Variants in PLEKHA6 observed in about 807,000 individuals in gnomAD.
PLEKHA6 encodes pleckstrin homology domain containing A6, also known as pleckstrin homology domain-containing family A member 6.
Under a neutral mutation model 116.7 loss-of-function variants are expected in PLEKHA6, and 60 were observed. That is an observed-to-expected ratio of 0.51 (90% CI 0.42 to 0.64). The LOEUF is 0.64. Among genes scored for constraint, PLEKHA6 ranks in the 30% least tolerant of loss-of-function variants. The pLI, the probability that PLEKHA6 is intolerant of heterozygous loss-of-function variation, is 0.00. For synonymous variants in PLEKHA6, 489 were observed against 556.1 expected (o/e 0.88, Z 1.70); for missense variants, 1,338 against 1,422.7 (o/e 0.94, Z 0.96).
intron 1 of PLEKHA6, among the ~76,000 whole-genome samples, chr1:204,295,029 C>T (rs1670136461): frequency 6.6e-6 from 1 of 152,146 alleles, no homozygotes; most frequent in African/African-American, 2.4e-5. Context: ...GTACCCTCTC[C>T]CCTGTACTTA....
chr1:204,302,635 G>A (rs903890138), intron 1 of PLEKHA6, among the ~76,000 whole-genome samples: 1 of 152,164 alleles, frequency 6.6e-6, no homozygotes, highest in South Asian at 2.1e-4. Context: ...CCAGCACTTT[G>A]GGAGGCCGAG....
chr1:204,320,732 T>C (rs1364899271), intron 1 of PLEKHA6, among the ~76,000 whole-genome samples: 3 of 152,210 alleles, frequency 2.0e-5, no homozygotes, highest in Admixed American at 6.5e-5. Flanking sequence ...AGACCTCCTG[T>C]ACGCACAGCA....
chr1:204,297,763 G>A (rs1280182628), intron 1 of PLEKHA6: 6 of 371,208 alleles, frequency 1.6e-5, no homozygotes, highest in South Asian at 1.1e-4. Flanking sequence ...CAGAAACATC[G>A]GAACTGAAAT....
Position 204,250,526 on chromosome 1 carries a change from G to A in PLEKHA6, c.1593+20C>T. 6.3e-7 allele frequency: 1 copy of A among 1,587,550 alleles called. No individual in the cohort carries two copies. The highest frequency in any genetic ancestry group is 8.6e-7 in the Non-Finnish European group (1 of 1,156,738). The stretch of plus-strand genomic sequence containing the variant: ...CAGGAGGCTGGAGTGGAGGGAGGGA[G>A]CAGGGGGCGCTGCTCTTACATCTGT... On this transcript the variant is annotated intron_variant, in intron 10 of 22. Transcript: ENST00000272203.
At chr1:204,247,235 G>A in intron 13 of PLEKHA6, 130 bp downstream of exon 13, 1 of 599,478 alleles carries the variant, frequency 1.7e-6, no homozygotes, top group South Asian at 1.9e-5. Context: ...TGAACCTAAA[G>A]CGTCCCATTA....
At chr1:204,347,265 G>T (rs976222235) in intron 1 of PLEKHA6, 15 of 987,854 alleles carry the variant, frequency 1.5e-5, no homozygotes, top group South Asian at 1.4e-4. Flanking sequence ...TCATTTTGGC[G>T]AATTACTGGA....
At position 204,221,628 on chromosome 1, in the gene PLEKHA6, A is replaced by T. The variant is rs921983829; in HGVS notation, c.*1160T>A. ...TGGCCCACTGCACATTCCAGGGGGAACAGGGCAAGAAATATCATGGAACTG... is the reference window on the plus strand; with the variant it reads ...TGGCCCACTGCACATTCCAGGGGGATCAGGGCAAGAAATATCATGGAACTG... On this transcript the variant is annotated 3_prime_UTR_variant, in exon 23 of 23. Coordinates refer to ENST00000272203, the MANE Select transcript of PLEKHA6 (RefSeq NM_014935.5). 2 of 152,424 alleles carry T rather than the reference A, an allele frequency of 1.3e-5. No individual in the cohort carries two copies. Among genetic ancestry groups the T allele is most frequent in the African/African-American group, 4.8e-5 (2 of 41,434 alleles). The allele number at this position is 152,424 out of a possible 1,614,324, so 9.4% of individuals were successfully genotyped here.
intron 1 of PLEKHA6, among the ~76,000 whole-genome samples, chr1:204,349,780 C>A (rs1673215201): frequency 6.6e-6 from 1 of 152,140 alleles, no homozygotes; most frequent in South Asian, 2.1e-4. Flanking sequence ...AAGGTGAGAG[C>A]AGTGGGGGAG....
chr1:204,314,767 G>A (rs549595216), intron 1 of PLEKHA6, among the ~76,000 whole-genome samples: 6 of 152,302 alleles, frequency 3.9e-5, no homozygotes, highest in Admixed American at 2.0e-4. Context: ...CCACAATGGC[G>A]CAGGGGCGGT....
At chr1:204,253,602 A>T (rs956314791) in intron 9 of PLEKHA6, among the ~76,000 whole-genome samples, 1 of 152,124 alleles carries the variant, frequency 6.6e-6, no homozygotes. Context: ...AGGTGAGAGG[A>T]TCACTTGAGG....
chr1:204,373,145 G>A (rs1462418921), intron 1 of PLEKHA6, among the ~76,000 whole-genome samples: 1 of 142,388 alleles, frequency 7.0e-6, no homozygotes, highest in Non-Finnish European at 1.5e-5. Context: ...GCTGGAGTGT[G>A]CAGTGGCACG....
chr1:204,295,394 G>T (rs1424754104), intron 1 of PLEKHA6, among the ~76,000 whole-genome samples: 1 of 151,802 alleles, frequency 6.6e-6, no homozygotes, highest in Admixed American at 6.6e-5. Flanking sequence ...GGAGGCTGAG[G>T]CAAGAGGATC....
chr1:204,329,467 A>T (rs544946500), intron 1 of PLEKHA6, among the ~76,000 whole-genome samples: 1 of 152,190 alleles, frequency 6.6e-6, no homozygotes, highest in Non-Finnish European at 1.5e-5. Flanking sequence ...CTAATTAGAG[A>T]GTCATTAATA....
intron 1 of PLEKHA6, among the ~76,000 whole-genome samples, chr1:204,348,856 A>C (rs1030150884): frequency 1.3e-5 from 2 of 152,146 alleles, no homozygotes; most frequent in Non-Finnish European, 2.9e-5. Context: ...GACTGGTTTA[A>C]GGCTTTCCTG....
rs34493461 is a variant in PLEKHA6 at position 204,371,053 on chromosome 1, C to CAAAAAAAAAAA, written c.160+466_160+476dup. Among the ~76,000 whole-genome samples the CAAAAAAAAAAA allele has an allele frequency of 1.2e-3, 84 of 68,476 alleles. 1 individual carries two copies. Among genetic ancestry groups the CAAAAAAAAAAA allele is most frequent in the African/African-American group, 4.8e-3 (80 of 16,828 alleles). The allele number at this position is 68,476 out of a possible 152,430, so 44.9% of individuals were successfully genotyped here. On this transcript the variant is annotated intron_variant, in intron 2 of 4. Transcript: ENST00000564627. ...TGTGCGACAGAGTAAGACTCTGCCT[C>CAAAAAAAAAAA]AAAAAAAAAAAAAAAAAAAAAAAAT...
chr1:204,373,656 A>T (rs1275210114), intron 1 of PLEKHA6, among the ~76,000 whole-genome samples: 1 of 152,210 alleles, frequency 6.6e-6, no homozygotes, highest in Non-Finnish European at 1.5e-5. Flanking sequence ...GGTTGTTTTC[A>T]GTTCTGGGCC....
intron 1 of PLEKHA6, among the ~76,000 whole-genome samples, chr1:204,312,692 C>A (rs1348937992): frequency 1.3e-5 from 2 of 152,166 alleles, no homozygotes; most frequent in Non-Finnish European, 2.9e-5. Flanking sequence ...CCCAGTTCCA[C>A]AAAGATGGGC....
intron 9 of PLEKHA6, among the ~76,000 whole-genome samples, chr1:204,251,883 G>A (rs908528595): frequency 1.3e-5 from 2 of 152,276 alleles, no homozygotes; most frequent in South Asian, 2.1e-4. Flanking sequence ...CTTCCCCAGG[G>A]TGCCTGGCTG....
At chr1:204,301,277 C>G (rs1480593058) in intron 1 of PLEKHA6, 10 of 978,184 alleles carry the variant, frequency 1.0e-5, no homozygotes, top group Non-Finnish European at 1.2e-5. Context: ...AGTCAAAGCA[C>G]TTGCCTCATC....
Sources: gnomAD v4.1 joint callset for allele counts (sites outside exome capture counted in the v4.1 genomes callset) on GRCh38, gnomAD v4.1.1 for gene constraint, MANE v1.5 for transcripts, NCBI Gene and HGNC (gene_info 2026-07-23, HGNC 2026-07-21) for gene names.